Variants in REV3L observed in about 807,000 individuals in gnomAD.
REV3L encodes DNA polymerase zeta catalytic subunit.
REV3L carries 69 observed loss-of-function variants against 299.4 expected under a neutral mutation model. The observed-to-expected ratio is 0.23, with a 90% CI of 0.19 to 0.28. The LOEUF (loss-of-function observed/expected upper bound fraction) is 0.28, where lower values mean the gene tolerates loss of function less well. Among genes scored for constraint, REV3L ranks in the 10% least tolerant of loss-of-function variants. The probability of loss-of-function intolerance (pLI) is 1.00; values close to 1 mark genes in which losing one functional copy is unlikely to be tolerated. For synonymous variants in REV3L, 1,238 were observed against 1,271.4 expected (o/e 0.97, Z 0.56); for missense variants, 3,128 against 3,693.8 (o/e 0.85, Z 3.97).
At chr6:111,472,596 G>A (rs944620485) in intron 1 of REV3L, among the ~76,000 whole-genome samples, 2 of 149,860 alleles carry the variant, frequency 1.3e-5, no homozygotes, top group Admixed American at 6.6e-5. Context: ...AAAAAACCAC[G>A]AAATTTTCCA....
At chr6:111,455,194 T>C (rs1485428180) in intron 1 of REV3L, among the ~76,000 whole-genome samples, 1 of 152,048 alleles carries the variant, frequency 6.6e-6, no homozygotes, top group East Asian at 1.9e-4. Flanking sequence ...GGCTTCACAG[T>C]GTAGATGATG....
chr6:111,450,392 C>T (rs546012493), intron 1 of REV3L, among the ~76,000 whole-genome samples: 1 of 142,294 alleles, frequency 7.0e-6, no homozygotes, highest in African/African-American at 2.6e-5. Flanking sequence ...GATGGGAGGA[C>T]TGCTTGAGCC....
chr6:111,375,728 T>G lies in REV3L; in HGVS notation c.2627A>C (p.Asp876Ala). Residue 876 changes from aspartate (D) to alanine (A), a missense_variant, in exon 13 of 32, where the codon GAT becomes GCT. This residue lies in a region of REV3L where 2,409 missense variants were observed against 2,611.8 expected (regional missense o/e 0.92). Coordinates refer to ENST00000368802, the MANE Select transcript of REV3L (RefSeq NM_001372078.1). Reference protein sequence around the residue: ...NPEKDNALASDLTKTTRGAFE... With the variant: ...NPEKDNALASALTKTTRGAFE... ...AGCTCCACGAGTGGTTTTAGTTAAA[T>G]CACTAGCCAATGCATTATCCTTCTC... 6.2e-7 allele frequency: 1 copy of G among 1,613,602 alleles called. No individual in the cohort carries two copies. Among genetic ancestry groups the G allele is most frequent in the Non-Finnish European group, 8.5e-7 (1 of 1,179,548 alleles).
rs1394785678 is a variant in REV3L at position 111,358,925 on chromosome 6, A to G, written c.6969T>C (p.Ala2323=). ...EPDPEFDPIC[A]LFYCISSDTP... ...TGTCAGATGAGATGCAGTAGAACAG[A>G]GCACAGATTGGGTCAAATTCAGGAT... Residue 2323 remains alanine (A), a synonymous_variant, in exon 17 of 32, where the codon GCT becomes GCC. Transcript: ENST00000368802. 9 of 1,614,016 alleles carry G rather than the reference A, an allele frequency of 5.6e-6. No individual in the cohort carries two copies. Among genetic ancestry groups the G allele is most frequent in the African/African-American group, 1.3e-5 (1 of 74,924 alleles).
chr6:111,391,021 G>A (rs1258293809), intron 5 of REV3L, among the ~76,000 whole-genome samples: 1 of 151,758 alleles, frequency 6.6e-6, no homozygotes, highest in Non-Finnish European at 1.5e-5. Flanking sequence ...ACTACAAAGT[G>A]GTTGATGACA....
intron 2 of REV3L, among the ~76,000 whole-genome samples, chr6:111,414,085 A>G (rs1023339357): frequency 3.3e-5 from 5 of 152,138 alleles, no homozygotes; most frequent in Non-Finnish European, 7.4e-5. Context: ...TGCTAGTGGA[A>G]GAAACACATA....
intron 2 of REV3L, chr6:111,412,296 C>G (rs1784328876): frequency 1.0e-6 from 1 of 984,196 alleles, no homozygotes; most frequent in East Asian, 1.1e-4. Context: ...GGGGTATCAG[C>G]TGGAATGAGG....
In REV3L at chr6:111,482,946, C is replaced by T. The variant is rs563134147; in HGVS notation, c.-58G>A. The T allele has an allele frequency of 4.8e-6, 7 of 1,458,112 alleles. No homozygotes were observed. The highest frequency in any genetic ancestry group is 3.5e-5 in the Admixed American group (1 of 28,594). 90.3% of individuals were successfully genotyped at this position (1,458,112 alleles called of 1,614,324 possible). A position where few individuals can be genotyped will look rare whatever the true frequency, so the allele number is the denominator to read the frequency against. On this transcript the variant is annotated 5_prime_UTR_variant, in exon 1 of 32. Transcript: ENST00000368802. Reference sequence around the variant, plus strand: ...GGCGACCCGGCAGCGGCAGCAGCAGCGGCGGCGGCTCCCTCCGCAGCGGCG... The same window carrying T: ...GGCGACCCGGCAGCGGCAGCAGCAGTGGCGGCGGCTCCCTCCGCAGCGGCG...
chr6:111,415,469 T>C (rs930757021), intron 2 of REV3L, among the ~76,000 whole-genome samples: 6 of 152,166 alleles, frequency 3.9e-5, no homozygotes, highest in African/African-American at 9.7e-5. Flanking sequence ...GCTGGGGCCA[T>C]TCACTCATTC....
At chr6:111,316,753 G>A (rs1490047355) in intron 26 of REV3L, among the ~76,000 whole-genome samples, 20 of 151,640 alleles carry the variant, frequency 1.3e-4, no homozygotes, top group African/African-American at 4.6e-4. Context: ...AAAGACACAC[G>A]GAAGAAAATC....
Position 111,390,079 on chromosome 6 carries a change from T to C in REV3L, c.757+7A>G, listed in dbSNP as rs1781761194. 3 of 1,564,786 alleles carry C rather than the reference T, an allele frequency of 1.9e-6. No individual in the cohort carries two copies. The highest frequency in any genetic ancestry group is 2.6e-6 in the Non-Finnish European group (3 of 1,135,882). ...AAAACATATATTAAGAATAATTGTG[T>C]ATGAACCTTCAATGTCCAGACGATT... On this transcript the variant is annotated splice_region_variant and intron_variant, in intron 6 of 31. Transcript: ENST00000368802.
intron 1 of REV3L, 68 bp downstream of exon 1, chr6:111,482,682 G>GCGGCGGGGAGGGCGGCCC: frequency 9.8e-7 from 1 of 1,022,324 alleles, no homozygotes; most frequent in Non-Finnish European, 1.2e-6. Flanking sequence ...GCGCGTGTGC[G>GCGGCGGGGAGGGCGGCCC]CGGCGGGGAG....
chr6:111,326,747 A>G (rs1774868858), intron 25 of REV3L, among the ~76,000 whole-genome samples: 1 of 152,138 alleles, frequency 6.6e-6, no homozygotes, highest in African/African-American at 2.4e-5. Flanking sequence ...AGGAAATGCC[A>G]TATTATGTGT....
In REV3L at chr6:111,483,027, G is replaced by C; in HGVS notation, c.-139C>G. ...CCCTCCCCTCACACAGAGGCACCTCGAGGAGCGGCGGGCGGGGCGGTGTAG... is the reference window on the plus strand; with the variant it reads ...CCCTCCCCTCACACAGAGGCACCTCCAGGAGCGGCGGGCGGGGCGGTGTAG... On this transcript the variant is annotated 5_prime_UTR_variant, in exon 1 of 32. Transcript: ENST00000368802. The C allele has an allele frequency of 9.3e-7, 1 of 1,079,664 alleles. No homozygotes were observed. The allele number at this position is 1,079,664 out of a possible 1,614,324, so 66.9% of individuals were successfully genotyped here. A position where few individuals can be genotyped will look rare whatever the true frequency, so the allele number is the denominator to read the frequency against.
At chr6:111,472,089 A>G in intron 1 of REV3L, 1 of 1,261,186 alleles carries the variant, frequency 7.9e-7, no homozygotes. Flanking sequence ...AAATAATATG[A>G]TGACAGTTTA....
chr6:111,394,712 T>G (rs1782299022), intron 4 of REV3L, among the ~76,000 whole-genome samples: 1 of 151,616 alleles, frequency 6.6e-6, no homozygotes, highest in Non-Finnish European at 1.5e-5. Context: ...TACAATTTTT[T>G]TTTTTTTTTT....
At chr6:111,414,314 T>C (rs1383428469) in intron 2 of REV3L, among the ~76,000 whole-genome samples, 4 of 151,820 alleles carry the variant, frequency 2.6e-5, no homozygotes, top group Admixed American at 6.6e-5. Flanking sequence ...GGAAAGAAAA[T>C]TGTACATACA....
intron 26 of REV3L, among the ~76,000 whole-genome samples, chr6:111,316,236 A>G (rs2114748670): frequency 6.6e-6 from 1 of 152,124 alleles, no homozygotes; most frequent in South Asian, 2.1e-4. Context: ...AAAAAAAAAA[A>G]AAAAGGTTGG....
chr6:111,462,238 G>A (rs142644680), intron 1 of REV3L, among the ~76,000 whole-genome samples: 2 of 152,230 alleles, frequency 1.3e-5, no homozygotes, highest in East Asian at 3.9e-4. Context: ...GAAATCTCAT[G>A]TCTATTGCTA....
Sources: gnomAD v4.1 joint callset for allele counts (sites outside exome capture counted in the v4.1 genomes callset) on GRCh38, gnomAD v4.1.1 for gene constraint, gnomAD v4.1.1 regional missense constraint, MANE v1.5 for transcripts, NCBI Gene and HGNC (gene_info 2026-07-23, HGNC 2026-07-21) for gene names.